Variants in CATSPERH observed in about 807,000 individuals in gnomAD.
CATSPERH encodes cation channel sperm-associated auxiliary subunit eta.
the CATSPERH span, chr11:65,088,747 AGAACT>A: frequency 1.3e-6 from 2 of 1,536,030 alleles, no homozygotes; most frequent in Non-Finnish European, 1.7e-6. Flanking sequence ...ATCACCTGGG[AGAACT>A]GTAGGCCCAT....
the CATSPERH span, chr11:65,088,644 C>A: frequency 1.6e-4 from 240 of 1,536,024 alleles, no homozygotes; most frequent in Admixed American, 2.0e-4. Flanking sequence ...CCACTCCTGC[C>A]ACTCACTCAG....
the CATSPERH span, chr11:65,088,497 G>C: frequency 6.5e-7 from 1 of 1,536,158 alleles, no homozygotes; most frequent in Non-Finnish European, 8.7e-7. Context: ...GAAACTCCAA[G>C]GACAGGCGGT....
the CATSPERH span, chr11:65,088,821 C>T: frequency 1.3e-6 from 2 of 1,535,446 alleles, no homozygotes; most frequent in Non-Finnish European, 8.7e-7. Flanking sequence ...CCTCGGGTCT[C>T]CCACAGCCAG....
chr11:65,088,646 C>G, the CATSPERH span: 1 of 1,536,158 alleles, frequency 6.5e-7, no homozygotes, highest in South Asian at 1.2e-5. Context: ...ACTCCTGCCA[C>G]TCACTCAGGA....
the CATSPERH span, chr11:65,088,424 C>T: frequency 1.1e-5 from 17 of 1,534,448 alleles, no homozygotes; most frequent in African/African-American, 2.7e-5. Flanking sequence ...TTTGCTTCCC[C>T]CTCCTTAGCC....
At chr11:65,088,801 T>C in the CATSPERH span, 1 of 1,534,918 alleles carries the variant, frequency 6.5e-7, no homozygotes, top group African/African-American at 1.4e-5. Context: ...CAGTGGGGTT[T>C]CCATCAGCCC....
At chr11:65,088,477 T>G in the CATSPERH span, 1 of 1,536,210 alleles carries the variant, frequency 6.5e-7, no homozygotes, top group Non-Finnish European at 8.7e-7. Context: ...CTCCCGGTAC[T>G]CGATGGCCAG....
chr11:65,089,011 G>A, the CATSPERH span: 54,098 of 1,535,628 alleles, frequency 0.035, 1,139 homozygotes, highest in Middle Eastern at 0.053. Context: ...AGAACGTGGC[G>A]ATGCGGTCTT....
chr11:65,088,407 G>A, the CATSPERH span: 4 of 1,511,712 alleles, frequency 2.6e-6, no homozygotes, highest in African/African-American at 2.8e-5. Flanking sequence ...AACACCCGAG[G>A]CAGCCTTTTG....
chr11:65,088,915 G>T, the CATSPERH span: 1 of 1,535,794 alleles, frequency 6.5e-7, no homozygotes, highest in South Asian at 1.2e-5. Context: ...TGATGCAGAA[G>T]TTGTGCACGT....
the CATSPERH span, chr11:65,088,446 C>A: frequency 6.5e-7 from 1 of 1,536,180 alleles, no homozygotes; most frequent in Non-Finnish European, 8.7e-7. Flanking sequence ...TGTTCCGACT[C>A]CCCAGGCCTC....
chr11:65,088,984 C>A, the CATSPERH span: 142 of 1,535,638 alleles, frequency 9.2e-5, no homozygotes, highest in Non-Finnish European at 1.1e-4. Flanking sequence ...TGGTGAGCAT[C>A]ATGCCTTTTG....
At chr11:65,088,497 G>A in the CATSPERH span, 2 of 1,536,158 alleles carry the variant, frequency 1.3e-6, no homozygotes, top group Non-Finnish European at 1.7e-6. Flanking sequence ...GAAACTCCAA[G>A]GACAGGCGGT....
the CATSPERH span, chr11:65,088,406 G>A: frequency 1.3e-6 from 2 of 1,511,874 alleles, no homozygotes; most frequent in South Asian, 1.2e-5. Flanking sequence ...AAACACCCGA[G>A]GCAGCCTTTT....
At chr11:65,088,505 G>A in the CATSPERH span, 14 of 1,535,998 alleles carry the variant, frequency 9.1e-6, no homozygotes, top group East Asian at 4.9e-5. Flanking sequence ...AAGGACAGGC[G>A]GTTGAAGAAC....
the CATSPERH span, chr11:65,088,412 C>CT: frequency 6.5e-7 from 1 of 1,526,728 alleles, no homozygotes; most frequent in Non-Finnish European, 8.8e-7. Context: ...CCGAGGCAGC[C>CT]TTTTGCTTCC....
At chr11:65,088,553 C>T in the CATSPERH span, 1 of 1,526,578 alleles carries the variant, frequency 6.6e-7, no homozygotes, top group Non-Finnish European at 8.8e-7. Context: ...ACAGAGCCCC[C>T]CATGAGCCCC....
At chr11:65,088,429 T>C in the CATSPERH span, 1 of 1,535,582 alleles carries the variant, frequency 6.5e-7, no homozygotes, top group Admixed American at 2.0e-5. Context: ...TTCCCCCTCC[T>C]TAGCCCTGTT....
the CATSPERH span, chr11:65,088,437 G>A: frequency 2.6e-6 from 4 of 1,536,076 alleles, no homozygotes; most frequent in Non-Finnish European, 3.5e-6. Flanking sequence ...CCTTAGCCCT[G>A]TTCCGACTCC....
Sources: allele counts gnomAD v4.1 joint callset, GRCh38; gene constraint gnomAD v4.1.1; transcripts MANE v1.5; gene names NCBI Gene and HGNC (gene_info 2026-07-23, HGNC 2026-07-21).